Variants in SPPL3 observed in about 807,000 individuals in gnomAD.
SPPL3 encodes signal peptide peptidase-like 3.
Under a neutral mutation model 42.4 loss-of-function variants are expected in SPPL3, and 5 were observed. The observed-to-expected ratio is 0.12, with a 90% confidence interval of 0.06 to 0.25. The LOEUF (loss-of-function observed/expected upper bound fraction) is 0.25. Ranked by LOEUF, SPPL3 falls within the 10% of genes least tolerant of loss-of-function variation. The pLI is 1.00. For synonymous variants in SPPL3, 195 were observed against 181.8 expected, an observed-to-expected ratio of 1.07 and a Z score of -0.58; for missense variants, 235 against 489.0, an observed-to-expected ratio of 0.48 and a Z score of 4.90.
At chr12:120,880,739 A>G (rs1873252811) in intron 1 of SPPL3, among the ~76,000 whole-genome samples, 1 of 151,310 alleles carries the variant, frequency 6.6e-6, no homozygotes, top group Non-Finnish European at 1.5e-5. Flanking sequence ...GTGAGCCGAG[A>G]TCACACCACT....
intron 1 of SPPL3, among the ~76,000 whole-genome samples, chr12:120,900,589 G>A (rs542322050): frequency 4.6e-4 from 57 of 125,222 alleles, no homozygotes; most frequent in Admixed American, 4.5e-3. Context: ...GTGAGACCCT[G>A]TCTCAAGGAA....
At chr12:120,846,635 T>C (rs1056231254) in intron 1 of SPPL3, among the ~76,000 whole-genome samples, 2 of 152,176 alleles carry the variant, frequency 1.3e-5, no homozygotes, top group Non-Finnish European at 2.9e-5. Flanking sequence ...ATTGGAGTTT[T>C]AAAAACTTGC....
At chr12:120,808,435 C>T (rs551516515) in intron 2 of SPPL3, among the ~76,000 whole-genome samples, 32 of 152,252 alleles carry the variant, frequency 2.1e-4, no homozygotes, top group African/African-American at 7.2e-4. Flanking sequence ...CTATATAATT[C>T]TATGATACAC....
intron 1 of SPPL3, among the ~76,000 whole-genome samples, chr12:120,815,914 G>C (rs1870857061): frequency 6.6e-6 from 1 of 151,966 alleles, no homozygotes; most frequent in African/African-American, 2.4e-5. Context: ...ATTTTTATTA[G>C]AGACAGGGTT....
chr12:120,826,615 C>G (rs1871238645), intron 1 of SPPL3, among the ~76,000 whole-genome samples: 1 of 152,100 alleles, frequency 6.6e-6, no homozygotes, highest in South Asian at 2.1e-4. Context: ...CAAAATCGCT[C>G]CATAAAGCAG....
intron 1 of SPPL3, among the ~76,000 whole-genome samples, chr12:120,885,222 C>CA (rs920678106): frequency 5.3e-5 from 8 of 152,076 alleles, no homozygotes; most frequent in African/African-American, 1.9e-4. Flanking sequence ...TGGAAATTAT[C>CA]AAAATAATAA....
intron 1 of SPPL3, among the ~76,000 whole-genome samples, chr12:120,830,242 C>A (rs1456500526): frequency 3.6e-5 from 3 of 83,822 alleles, no homozygotes; most frequent in Admixed American, 3.0e-4. Context: ...GACCAAGCAA[C>A]TGGGAGAATG....
intron 2 of SPPL3, among the ~76,000 whole-genome samples, chr12:120,792,696 CAAAAA>C (rs57603403): frequency 2.8e-5 from 2 of 71,780 alleles, no homozygotes; most frequent in South Asian, 4.8e-4. Context: ...GAGACTGTCT[CAAAAA>C]AAAAAAAAAA....
chr12:120,841,225 T>TCA (rs1442867180), intron 1 of SPPL3, among the ~76,000 whole-genome samples: 1 of 151,876 alleles, frequency 6.6e-6, no homozygotes, highest in Non-Finnish European at 1.5e-5. Flanking sequence ...CTCCAGAGGC[T>TCA]GAGGCAGGAG....
In SPPL3 at chr12:120,773,445, G is replaced by A. The variant is rs74524388; in HGVS notation, c.503-4386C>T. On this transcript the variant is annotated intron_variant, in intron 6 of 10. Transcript: ENST00000353487. ...AAGGGCACGAAGAAAGTAACAGAAG[G>A]CCTAGGATGGACAGACGGGAGACAG... 7.6e-3 allele frequency among the ~76,000 whole-genome samples: 1,157 copies of A among 152,270 alleles called. 16 individuals are homozygous for A. The highest frequency in any genetic ancestry group is 0.026 in the African/African-American group (1,084 of 41,558).
intron 1 of SPPL3, among the ~76,000 whole-genome samples, chr12:120,824,765 T>C (rs568915148): frequency 3.1e-4 from 47 of 152,186 alleles, no homozygotes; most frequent in Non-Finnish European, 6.6e-4. Flanking sequence ...CTTGAACTCC[T>C]AGACTCAAGT....
chr12:120,789,482 A>G (rs1335715457), intron 3 of SPPL3, among the ~76,000 whole-genome samples: 1 of 147,256 alleles, frequency 6.8e-6, no homozygotes, highest in African/African-American at 2.5e-5. Context: ...CATTTAAAAA[A>G]GAAGTATTCT....
chr12:120,899,994 G>A (rs1211417251), intron 1 of SPPL3, among the ~76,000 whole-genome samples: 1 of 150,844 alleles, frequency 6.6e-6, no homozygotes, highest in Non-Finnish European at 1.5e-5. Context: ...GATTTTGATA[G>A]AATTTGCTAG....
At chr12:120,777,896 G>A (rs557930244) in intron 6 of SPPL3, among the ~76,000 whole-genome samples, 9 of 152,182 alleles carry the variant, frequency 5.9e-5, no homozygotes, top group South Asian at 2.1e-4. Context: ...AGACGGGCAC[G>A]GGTGATTTTG....
chr12:120,867,501 C>T (rs1872789873), intron 1 of SPPL3, among the ~76,000 whole-genome samples: 2 of 152,004 alleles, frequency 1.3e-5, no homozygotes, highest in African/African-American at 4.8e-5. Context: ...TTTGTCTCCA[C>T]TAAAATACAA....
At chr12:120,840,391 A>G (rs537921005) in intron 1 of SPPL3, among the ~76,000 whole-genome samples, 16 of 152,116 alleles carry the variant, frequency 1.1e-4, no homozygotes, top group African/African-American at 3.9e-4. Context: ...AAGGCCATAT[A>G]TATTGGATGA....
chr12:120,778,647 GTATAACT>G (rs576560481), intron 6 of SPPL3, among the ~76,000 whole-genome samples: 1 of 152,074 alleles, frequency 6.6e-6, no homozygotes, highest in Non-Finnish European at 1.5e-5. Context: ...AAAATTGTAA[GTATAACT>G]TATATTTGTA....
intron 1 of SPPL3, among the ~76,000 whole-genome samples, chr12:120,861,076 T>C (rs974104553): frequency 6.6e-6 from 1 of 152,206 alleles, no homozygotes; most frequent in Non-Finnish European, 1.5e-5. Context: ...TATAAATACC[T>C]GTTTTACCAT....
intron 1 of SPPL3, among the ~76,000 whole-genome samples, chr12:120,892,918 G>T (rs1387749254): frequency 6.9e-6 from 1 of 144,878 alleles, no homozygotes; most frequent in Admixed American, 7.1e-5. Flanking sequence ...GTAGGCAGAG[G>T]TTGCAGTGAG....
Sources: allele counts gnomAD v4.1 joint callset (sites outside exome capture counted in the v4.1 genomes callset), GRCh38; gene constraint gnomAD v4.1.1; transcripts MANE v1.5; gene names NCBI Gene and HGNC (gene_info 2026-07-23, HGNC 2026-07-21).